EIPR1: variants seen among roughly 807,000 people sequenced by gnomAD.
EIPR1 encodes EARP complex and GARP complex interacting protein 1, also known as EARP and GARP complex-interacting protein 1.
Under a neutral mutation model 48.1 loss-of-function variants are expected in EIPR1, and 25 were observed. The ratio of observed to expected loss-of-function variants is 0.52; its 90% CI spans 0.38 to 0.73. The LOEUF is 0.73. Among genes scored for constraint, EIPR1 ranks in the 30% least tolerant of loss-of-function variants. The pLI is 0.00. For synonymous variants in EIPR1, 204 were observed against 201.9 expected (o/e 1.01, Z -0.09); for missense variants, 415 against 506.2 (o/e 0.82, Z 1.73).
intron 2 of EIPR1, among the ~76,000 whole-genome samples, chr2:3,345,151 G>A (rs1028750776): frequency 4.6e-5 from 7 of 152,146 alleles, no homozygotes; most frequent in Non-Finnish European, 1.0e-4. Flanking sequence ...GGGGGAGGCT[G>A]GAACCTAACT....
chr2:3,282,917 T>TC (rs1384206392), intron 3 of EIPR1: 1 of 152,290 alleles, frequency 6.6e-6, no homozygotes, highest in African/African-American at 2.4e-5. Flanking sequence ...AGAATTAGCT[T>TC]CGAGGAGGTG....
At chr2:3,316,142 T>C (rs113306574) in intron 3 of EIPR1, among the ~76,000 whole-genome samples, 14 of 112,912 alleles carry the variant, frequency 1.2e-4, no homozygotes, top group African/African-American at 3.7e-4. Flanking sequence ...CCCACCACCA[T>C]CACCACCACC....
chr2:3,364,983 T>C (rs2103386876), intron 1 of EIPR1, among the ~76,000 whole-genome samples: 1 of 152,284 alleles, frequency 6.6e-6, no homozygotes, highest in East Asian at 1.9e-4. Context: ...GAGAATAATT[T>C]GAATGGTTCT....
intron 3 of EIPR1, among the ~76,000 whole-genome samples, chr2:3,332,272 G>A (rs1486439726): frequency 3.3e-5 from 5 of 152,258 alleles, no homozygotes. Flanking sequence ...AAAGTGAGAT[G>A]CACGGAAAGG....
chr2:3,313,817 GAAAT>G (rs1413018126), intron 3 of EIPR1, among the ~76,000 whole-genome samples: 1 of 152,176 alleles, frequency 6.6e-6, no homozygotes, highest in Non-Finnish European at 1.5e-5. Context: ...GGCCTGGGCA[GAAAT>G]GAAGGAAAAA....
intron 1 of EIPR1, among the ~76,000 whole-genome samples, chr2:3,373,664 C>T (rs914341926): frequency 9.9e-5 from 15 of 152,194 alleles, no homozygotes; most frequent in African/African-American, 3.6e-4. Context: ...AGGAATCCAA[C>T]TTGCAAGGCA....
At chr2:3,305,975 T>A (rs1009365175) in intron 3 of EIPR1, among the ~76,000 whole-genome samples, 1 of 152,208 alleles carries the variant, frequency 6.6e-6, no homozygotes, top group African/African-American at 2.4e-5. Context: ...AAATCGCTGC[T>A]TCCCCCCTTT....
At chr2:3,196,788 G>A in intron 6 of EIPR1, 93 bp downstream of exon 6, 1 of 1,502,480 alleles carries the variant, frequency 6.7e-7, no homozygotes, top group South Asian at 1.3e-5. Context: ...CGCCCCCAAA[G>A]GCATGTGGCT....
chr2:3,269,388 C>T (rs1179540897), intron 3 of EIPR1, among the ~76,000 whole-genome samples: 2 of 140,190 alleles, frequency 1.4e-5, no homozygotes, highest in South Asian at 2.5e-4. Flanking sequence ...ACTCAGTCAT[C>T]GCACTCAGTC....
chr2:3,236,752 A>G (rs1261222070), intron 4 of EIPR1, among the ~76,000 whole-genome samples: 1 of 152,174 alleles, frequency 6.6e-6, no homozygotes, highest in Non-Finnish European at 1.5e-5. Flanking sequence ...TATTGTACAG[A>G]TGAGGTAACA....
rs532076669 is a variant in EIPR1 at position 3,204,007 on chromosome 2, C to T, written c.517-6990G>A. Among the ~76,000 whole-genome samples, 14 of 152,370 alleles carry T rather than the reference C, an allele frequency of 9.2e-5. No homozygotes were observed. In the South Asian group the frequency reaches 2.7e-3, roughly 29 times the overall value. On this transcript the variant is annotated intron_variant, in intron 5 of 8. Transcript: ENST00000382125. ...GTGCTTGGATTCCAGGTTATCCACA[C>T]AAAAGCTGAGGTCACACACGTGGGC...
rs1659855038 is a variant in EIPR1 at position 3,375,701 on chromosome 2, T to C, written c.42+1947A>G. Reference sequence around the variant, plus strand: ...TAGGTCAGAATCCAAGGTCTATCATTTACTAGTTAAGTGGCCTTGGACAGG... The same window carrying C: ...TAGGTCAGAATCCAAGGTCTATCATCTACTAGTTAAGTGGCCTTGGACAGG... On this transcript the variant is annotated intron_variant, in intron 1 of 8. Transcript: ENST00000382125. Among the ~76,000 whole-genome samples the C allele has an allele frequency of 2.6e-5, 4 of 152,214 alleles. No homozygotes were observed. The South Asian group carries it at 8.3e-4, about 31-fold the overall frequency.
chr2:3,371,233 A>C (rs1181163319), intron 1 of EIPR1, among the ~76,000 whole-genome samples: 1 of 152,242 alleles, frequency 6.6e-6, no homozygotes, highest in African/African-American at 2.4e-5. Flanking sequence ...GAGCTCCTGA[A>C]GGAAGCACTA....
At chr2:3,233,507 C>T (rs920606075) in intron 4 of EIPR1, among the ~76,000 whole-genome samples, 23 of 152,292 alleles carry the variant, frequency 1.5e-4, no homozygotes, top group Admixed American at 2.0e-4. Flanking sequence ...GCATTTCCCC[C>T]GGCATTCTCA....
chr2:3,330,243 T>C (rs1050676019), intron 3 of EIPR1, among the ~76,000 whole-genome samples: 1 of 152,228 alleles, frequency 6.6e-6, no homozygotes, highest in African/African-American at 2.4e-5. Context: ...TCTGCAAACA[T>C]GTTTTTCAAG....
At position 3,223,966 on chromosome 2, in the gene EIPR1, C is replaced by T. The variant is rs772711672; in HGVS notation, c.417-9718G>A. Among the ~76,000 whole-genome samples, 44 of 152,320 alleles carry T rather than the reference C, an allele frequency of 2.9e-4. 1 individual carries two copies. The highest frequency in any genetic ancestry group is 1.5e-3 in the South Asian group (7 of 4,822). On this transcript the variant is annotated intron_variant, in intron 4 of 8. Transcript: ENST00000382125. Reference sequence around the variant, plus strand: ...AAGAGAACCATCCCGGGAACAAACGCTTCAGAGTAGTTACACCTCTCTATC... The same window carrying T: ...AAGAGAACCATCCCGGGAACAAACGTTTCAGAGTAGTTACACCTCTCTATC...
At chr2:3,241,423 C>T (rs1201697239) in intron 4 of EIPR1, among the ~76,000 whole-genome samples, 2 of 152,140 alleles carry the variant, frequency 1.3e-5, no homozygotes, top group Non-Finnish European at 2.9e-5. Context: ...TTGCCGTATA[C>T]CTTGGAATAA....
At chr2:3,192,072 T>A (rs1268072149) in intron 8 of EIPR1, among the ~76,000 whole-genome samples, 1 of 151,990 alleles carries the variant, frequency 6.6e-6, no homozygotes, top group Admixed American at 6.6e-5. Flanking sequence ...TTACAGGGAG[T>A]GCTGTGAGGA....
chr2:3,359,905 G>A (rs1387192753), intron 1 of EIPR1, among the ~76,000 whole-genome samples: 1 of 152,166 alleles, frequency 6.6e-6, no homozygotes, highest in Non-Finnish European at 1.5e-5. Context: ...ATAAACTGAG[G>A]ACGAGCAAGG....
Sources: allele counts gnomAD v4.1 joint callset (sites outside exome capture counted in the v4.1 genomes callset), GRCh38; gene constraint gnomAD v4.1.1; transcripts MANE v1.5; gene names NCBI Gene and HGNC (gene_info 2026-07-23, HGNC 2026-07-21).